MCTP2: variants seen among roughly 807,000 people sequenced by gnomAD.
MCTP2 encodes multiple C2 and transmembrane domain-containing protein 2.
MCTP2 carries 132 observed loss-of-function variants against 111.6 expected under a neutral mutation model. The observed-to-expected ratio is 1.18, with a 90% CI of 1.03 to 1.37. The LOEUF (loss-of-function observed/expected upper bound fraction) is 1.37, where lower values mean the gene tolerates loss of function less well. Among genes scored for constraint, MCTP2 ranks in the 40% most tolerant of loss-of-function variants. The pLI, the probability that MCTP2 is intolerant of heterozygous loss-of-function variation, is 0.00. For missense variants in MCTP2, 1,183 were observed against 1,067.9 expected (o/e 1.11, Z -1.50); for synonymous variants, 395 against 387.7 (o/e 1.02, Z -0.22).
chr15:94,337,684 T>TGTGC (rs1555454990), intron 4 of MCTP2, among the ~76,000 whole-genome samples: 7 of 151,794 alleles, frequency 4.6e-5, no homozygotes, highest in African/African-American at 1.2e-4. Flanking sequence ...TGTGTGTGTG[T>TGTGC]GCGCGCGCAT....
chr15:94,467,757 T>C (rs1178241963), intron 20 of MCTP2, among the ~76,000 whole-genome samples: 1 of 152,236 alleles, frequency 6.6e-6, no homozygotes, highest in Non-Finnish European at 1.5e-5. Flanking sequence ...CATGCTGAAC[T>C]GGATCCCGTT....
At chr15:94,277,886 A>T (rs1469586787) in intron 1 of MCTP2, among the ~76,000 whole-genome samples, 1 of 152,166 alleles carries the variant, frequency 6.6e-6, no homozygotes, top group East Asian at 1.9e-4. Context: ...AATGTATCAC[A>T]CTAATACAAG....
intron 4 of MCTP2, among the ~76,000 whole-genome samples, chr15:94,325,647 A>C (rs2076828612): frequency 6.8e-6 from 1 of 147,078 alleles, no homozygotes; most frequent in Admixed American, 6.8e-5. Flanking sequence ...AGACTCTTTT[A>C]AAAGGCACCT....
chr15:94,245,465 T>A (rs2071850278), intron 1 of MCTP2, among the ~76,000 whole-genome samples: 1 of 140,410 alleles, frequency 7.1e-6, no homozygotes, highest in Admixed American at 7.4e-5. Flanking sequence ...TGTATTTATA[T>A]ACATATATGT....
chr15:94,451,765 G>A (rs563591362), intron 19 of MCTP2, among the ~76,000 whole-genome samples: 47 of 152,210 alleles, frequency 3.1e-4, no homozygotes, highest in Non-Finnish European at 6.2e-4. Flanking sequence ...TGGAACTGCA[G>A]ACGATCTTTC....
chr15:94,462,474 C>A (rs2085275306), intron 20 of MCTP2, among the ~76,000 whole-genome samples: 1 of 152,130 alleles, frequency 6.6e-6, no homozygotes, highest in African/African-American at 2.4e-5. Flanking sequence ...TTTGATTTAC[C>A]AAGCTCCTTC....
intron 1 of MCTP2, among the ~76,000 whole-genome samples, chr15:94,295,106 A>T (rs2152330391): frequency 6.7e-6 from 1 of 149,712 alleles, no homozygotes. Flanking sequence ...GAACCACCAT[A>T]CCTGGCTAAT....
chr15:94,292,043 AAAGT>A (rs1287768018), intron 1 of MCTP2, among the ~76,000 whole-genome samples: 1 of 152,252 alleles, frequency 6.6e-6, no homozygotes, highest in Admixed American at 6.5e-5. Flanking sequence ...GAAAATAAAA[AAAGT>A]AAGACCAAAT....
intron 20 of MCTP2, among the ~76,000 whole-genome samples, chr15:94,467,530 T>G (rs1383065230): frequency 1.3e-5 from 2 of 152,112 alleles, no homozygotes; most frequent in African/African-American, 2.4e-5. Flanking sequence ...CGGGTTGGGG[T>G]TGGGGGTTGT....
chr15:94,447,555 G>A (rs2084192795), intron 19 of MCTP2, among the ~76,000 whole-genome samples: 2 of 152,058 alleles, frequency 1.3e-5, no homozygotes, highest in African/African-American at 4.8e-5. Flanking sequence ...CCACCACACT[G>A]CATTAGAGAT....
chr15:94,298,192 G>A lies in MCTP2; in HGVS notation c.-65-9G>A. ...TGTTTGTTTTTTGTTGTTTTTTTCT[G>A]TTTTATAGGAGTCATTGCAGTTTTC... On this transcript the variant is annotated splice_polypyrimidine_tract_variant and intron_variant, in intron 1 of 22. Coordinates refer to ENST00000357742, the MANE Select transcript of MCTP2 (RefSeq NM_001385001.1). The A allele has an allele frequency of 3.8e-6, 4 of 1,058,032 alleles. No homozygotes were observed. The highest frequency in any genetic ancestry group is 2.8e-5 in the Admixed American group (1 of 35,170). 65.5% of individuals were successfully genotyped at this position (1,058,032 alleles called of 1,614,324 possible).
rs75929681 is a variant in MCTP2, at chr15:94,266,767, G to A, written c.-65-31434G>A. Among the ~76,000 whole-genome samples the A allele has an allele frequency of 3.1e-3, 473 of 152,280 alleles. 2 individuals are homozygous for A. The highest frequency in any genetic ancestry group is 8.4e-3 in the African/African-American group (349 of 41,556). On this transcript the variant is annotated intron_variant, in intron 1 of 22. Coordinates refer to ENST00000357742, the MANE Select transcript of MCTP2 (RefSeq NM_001385001.1). ...CATTTGGATCAGACCCACCTTACCC[G>A]TCTTGCCATATAAAAGGAAAGCAAT...
chr15:94,357,728 C>T (rs954906434), intron 9 of MCTP2, among the ~76,000 whole-genome samples: 3 of 152,176 alleles, frequency 2.0e-5, no homozygotes, highest in Non-Finnish European at 4.4e-5. Flanking sequence ...ATACCTCACA[C>T]TGCACCCCTA....
At chr15:94,450,674 A>ATGAT (rs1255246069) in intron 19 of MCTP2, among the ~76,000 whole-genome samples, 1 of 152,194 alleles carries the variant, frequency 6.6e-6, no homozygotes, top group East Asian at 1.9e-4. Context: ...TTTAGTCTAG[A>ATGAT]TGATTGAAAT....
chr15:94,307,688 T>TC (rs1190793322), intron 2 of MCTP2, among the ~76,000 whole-genome samples: 1 of 152,196 alleles, frequency 6.6e-6, no homozygotes, highest in African/African-American at 2.4e-5. Context: ...GCTTGCTGTG[T>TC]CTGCTGTAGA....
chr15:94,341,019 G>A, intron 7 of MCTP2, 95 bp downstream of exon 7: 1 of 777,750 alleles, frequency 1.3e-6, no homozygotes, highest in Non-Finnish European at 2.2e-6. Flanking sequence ...GATGACTGAT[G>A]TTTTTGCAAT....
chr15:94,266,000 C>G (rs989437620), intron 1 of MCTP2, among the ~76,000 whole-genome samples: 2 of 152,160 alleles, frequency 1.3e-5, no homozygotes, highest in African/African-American at 4.8e-5. Context: ...TTGCAAGATT[C>G]TTTTTTAGTA....
intron 14 of MCTP2, among the ~76,000 whole-genome samples, chr15:94,385,933 C>T (rs1046805726): frequency 2.6e-5 from 4 of 152,316 alleles, no homozygotes; most frequent in South Asian, 2.1e-4. Context: ...GGTAACTGCA[C>T]ATTTGTTCTC....
At position 94,298,586 on chromosome 15, in the gene MCTP2, G is replaced by A; in HGVS notation, c.321G>A (p.Gln107=). 3.1e-6 allele frequency: 5 copies of A among 1,614,112 alleles called. No homozygotes were observed. The highest frequency in any genetic ancestry group is 4.2e-6 in the Non-Finnish European group (5 of 1,180,008). The stretch of plus-strand genomic sequence containing the variant: ...CTGAAGAAGAATTGGATTGGAGCCA[G>A]GAAGAAGCCAGTCACCTCCATGTGG... The part of the protein sequence containing the change: ...KQSEEELDWS[Q]EEASHLHVVE... Residue 107 remains glutamine (Q), a synonymous_variant, in exon 2 of 23, where the codon CAG becomes CAA. Coordinates refer to ENST00000357742, the MANE Select transcript of MCTP2 (RefSeq NM_001385001.1).
Sources: allele counts gnomAD v4.1 joint callset (sites outside exome capture counted in the v4.1 genomes callset), GRCh38; gene constraint gnomAD v4.1.1; transcripts MANE v1.5; gene names NCBI Gene and HGNC (gene_info 2026-07-23, HGNC 2026-07-21).